The following DGKA variants were observed in gnomAD, a reference collection of about 807,000 sequenced individuals.
DGKA encodes 80 kDa diacylglycerol kinase.
A neutral mutation model predicts 105.0 loss-of-function variants in DGKA; 35 were observed. The ratio of observed to expected loss-of-function variants is 0.33; its 90% confidence interval spans 0.25 to 0.44. The LOEUF is 0.44. Among genes scored for constraint, DGKA ranks in the 20% least tolerant of loss-of-function variants. The probability of loss-of-function intolerance (pLI) is 1.00; values close to 1 mark genes in which losing one functional copy is unlikely to be tolerated. For missense variants in DGKA, 665 were observed against 915.0 expected (o/e 0.73, Z 3.53); for synonymous variants, 296 against 332.0 (o/e 0.89, Z 1.18).
upstream of DGKA, among the ~76,000 whole-genome samples, chr12:55,929,896 A>T (rs1163417508): frequency 6.6e-6 from 1 of 152,222 alleles, no homozygotes; most frequent in Non-Finnish European, 1.5e-5. Context: ...ACCAAAAACT[A>T]TCTTAAAAGG....
chr12:55,928,481 AC>A (rs1448688195), upstream of DGKA: 3 of 151,502 alleles, frequency 2.0e-5, no homozygotes, highest in Admixed American at 6.6e-5. Context: ...TTCAAGACCA[AC>A]CTGGCCAAGA....
chr12:55,936,351 A>G (rs1235814826), intron 1 of DGKA, 72 bp from the exon 2 acceptor site: 1 of 1,423,664 alleles, frequency 7.0e-7, no homozygotes, highest in African/African-American at 1.4e-5. Flanking sequence ...TAGAGACAGA[A>G]TGGAACAGAC....
intron 17 of DGKA, among the ~76,000 whole-genome samples, chr12:55,948,400 C>T (rs1887468165): frequency 7.3e-6 from 1 of 137,022 alleles, no homozygotes; most frequent in African/African-American, 2.8e-5. Context: ...GACTCCATCT[C>T]GAAAAAAAAA....
In DGKA at chr12:55,940,250, A is replaced by G; in HGVS notation, c.799-64A>G. ...TGGCCCTTGGCCCATTGCTGCCCTC[A>G]GCCCCTCCCTCCCCTAGGTCCTGCT... On this transcript the variant is annotated intron_variant, in intron 10 of 23. Transcript: ENST00000331886. This position sits in a 1 kb window ranked among gnomAD's most constrained non-coding sequence, Gnocchi z 4.3. 1 of 1,614,096 alleles carries G rather than the reference A, an allele frequency of 6.2e-7. No individual in the cohort carries two copies. Among genetic ancestry groups the G allele is most frequent in the African/African-American group, 1.3e-5 (1 of 75,036 alleles).
At chr12:55,941,125 G>A (rs1592700001) in intron 13 of DGKA, 127 bp from the exon 14 acceptor site, 1 of 1,345,662 alleles carries the variant, frequency 7.4e-7, no homozygotes, top group South Asian at 1.3e-5. Flanking sequence ...GAGGGAAGGG[G>A]AGGGAAACAG....
intron 14 of DGKA, 84 bp from the exon 15 acceptor site, chr12:55,941,426 G>T: frequency 6.3e-7 from 1 of 1,584,138 alleles, no homozygotes; most frequent in East Asian, 2.2e-5. Context: ...GGCATACCTT[G>T]AGGAACACAC....
Position 55,939,266 on chromosome 12 carries a change from C to T in DGKA, c.555C>T (p.Ala185=), listed in dbSNP as rs576234907. 7.4e-6 allele frequency: 12 copies of T among 1,614,158 alleles called. No homozygotes were observed. The African/African-American group carries it at 9.3e-5, about 13-fold the overall frequency. The change falls in exon 8 of 24, where the codon GCC becomes GCT. Residue 185 remains alanine, a synonymous_variant. Coordinates refer to ENST00000331886, the MANE Select transcript of DGKA (RefSeq NM_001345.5). ...AAGCTGAGTGGGTCCGGGCTGGGGC[C>T]ACCACCGTGCCACTGCTAGTGCTGC... is the stretch of plus-strand genomic sequence containing the variant. ...VSQAEWVRAG[A]TTVPLLVLLG...
chr12:55,934,642 G>C (rs1034678270), intron 1 of DGKA, among the ~76,000 whole-genome samples: 1 of 152,212 alleles, frequency 6.6e-6, no homozygotes, highest in Non-Finnish European at 1.5e-5. Flanking sequence ...AGATCAGGGT[G>C]TTTGATGGGG....
upstream of DGKA, chr12:55,927,646 T>G: frequency 6.6e-7 from 1 of 1,512,060 alleles, no homozygotes; most frequent in Non-Finnish European, 8.9e-7. Context: ...CGTGTGCCGA[T>G]TGCTGTCGGC....
intron 17 of DGKA, among the ~76,000 whole-genome samples, chr12:55,942,967 T>C (rs184886633): frequency 5.8e-4 from 88 of 152,156 alleles, no homozygotes; most frequent in Non-Finnish European, 9.7e-4. Flanking sequence ...TGGTGGTGCA[T>C]TGGGGGAACT....
In DGKA at chr12:55,939,290, G is replaced by T. The variant is rs374635355; in HGVS notation, c.579G>T (p.Leu193=). Residue 193 remains leucine (L), a synonymous_variant, in exon 8 of 24, where the codon CTG becomes CTT. Coordinates refer to ENST00000331886, the MANE Select transcript of DGKA (RefSeq NM_001345.5). The part of the protein sequence containing the change: ...AGATTVPLLV[L]LGLEMTLKDD... ...CCACCACCGTGCCACTGCTAGTGCT[G>T]CTGGGTCTGGAGATGGTGAGTAGGA... 1.2e-6 allele frequency: 2 copies of T among 1,614,036 alleles called. No homozygotes were observed. The highest frequency in any genetic ancestry group is 1.7e-6 in the Non-Finnish European group (2 of 1,179,930).
At position 55,937,034 on chromosome 12, in the gene DGKA, A is replaced by G; in HGVS notation, c.82A>G (p.Ser28Gly). 1 of 1,614,170 alleles carries G rather than the reference A, an allele frequency of 6.2e-7. No individual in the cohort carries two copies. The highest frequency in any genetic ancestry group is 8.5e-7 in the Non-Finnish European group (1 of 1,180,024). ...KYMEYSTKKV[S>G]DVLKLFEDGE... ...CACCCTAGACTCCACCAAAAAGGTC[A>G]GTGATGTCCTAAAGCTCTTCGAGGA... The change falls in exon 3 of 24, where the codon AGT becomes GGT. Residue 28 changes from serine to glycine, a missense_variant. Ser to Gly is a moderately conservative substitution (Grantham distance 56). Coordinates refer to ENST00000331886, the MANE Select transcript of DGKA (RefSeq NM_001345.5).
At chr12:55,929,146 A>T (rs1306119688), upstream of DGKA, 1 of 151,882 alleles carries the variant, frequency 6.6e-6, no homozygotes, top group Non-Finnish European at 1.5e-5. Context: ...ACTCAGTCTC[A>T]AAATAAATAA....
intron 6 of DGKA, 85 bp from the exon 7 acceptor site, chr12:55,938,830 A>C: frequency 6.3e-7 from 1 of 1,576,794 alleles, no homozygotes; most frequent in Non-Finnish European, 8.7e-7. Context: ...CTGGGGTGGA[A>C]CCCAGGAACA....
chr12:55,938,547 T>A lies in DGKA; in HGVS notation c.386T>A (p.Ile129Asn), dbSNP rs1885238726. ...CTGTACGACACGGACAGAAATGGGA[T>A]CCTGGACAGCTCAGTGAGTTGGGGA... ...FKLYDTDRNG[I>N]LDSSEVDKII... is the part of the protein sequence containing the mutation. The change falls in exon 6 of 24, where the codon ATC becomes AAC. Residue 129 changes from isoleucine (I) to asparagine (N), a missense_variant. By Grantham distance (149) the Ile-to-Asn change is moderately radical. Coordinates refer to ENST00000331886, the MANE Select transcript of DGKA (RefSeq NM_001345.5). 2.5e-6 allele frequency: 4 copies of A among 1,614,108 alleles called. No homozygotes were observed. The highest frequency in any genetic ancestry group is 3.4e-6 in the Non-Finnish European group (4 of 1,180,004).
chr12:55,939,781 C>A, intron 9 of DGKA: 1 of 587,610 alleles, frequency 1.7e-6, no homozygotes, highest in Non-Finnish European at 3.0e-6. Context: ...CTATAAAATG[C>A]AATAAAAAAT....
Position 55,937,548 on chromosome 12 carries a change from G to A in DGKA, c.274+5G>A. 1 of 1,613,836 alleles carries A rather than the reference G, an allele frequency of 6.2e-7. No individual in the cohort carries two copies. Among genetic ancestry groups the A allele is most frequent in the South Asian group, 1.1e-5 (1 of 91,054 alleles). ...ATGAGACAAATGTGACAAAAGGTAT[G>A]GTCAAGCAGGTAGGACTGGGCTAAG... On this transcript the variant is annotated splice_donor_5th_base_variant and intron_variant, in intron 4 of 23. Coordinates refer to ENST00000331886, the MANE Select transcript of DGKA (RefSeq NM_001345.5).
chr12:55,941,166 C>T (rs768568865), intron 13 of DGKA, 86 bp from the exon 14 acceptor site: 28 of 1,434,720 alleles, frequency 2.0e-5, no homozygotes, highest in Non-Finnish European at 2.7e-5. Context: ...TGGTGGAATG[C>T]TAGCCCTCTG....
At chr12:55,951,993 A>G in intron 18 of DGKA, 42 bp from the exon 19 acceptor site, 1 of 1,608,584 alleles carries the variant, frequency 6.2e-7, no homozygotes, top group South Asian at 1.1e-5. Context: ...CGGGAGGGAG[A>G]GATTGAGCTC....
Sources: allele counts gnomAD v4.1 joint callset (sites outside exome capture counted in the v4.1 genomes callset), GRCh38; gene constraint gnomAD v4.1.1; non-coding constraint Gnocchi (gnomAD v3.1); transcripts MANE v1.5; gene names NCBI Gene and HGNC (gene_info 2026-07-23, HGNC 2026-07-21).